STXBP5L: variants seen among roughly 807,000 people sequenced by gnomAD.
STXBP5L encodes syntaxin binding protein 5L.
A neutral mutation model predicts 144.5 loss-of-function variants in STXBP5L; 65 were observed. That is an observed-to-expected ratio of 0.45 (90% CI 0.37 to 0.55). The LOEUF (loss-of-function observed/expected upper bound fraction) is 0.55, where lower values mean the gene tolerates loss of function less well. Among genes scored for constraint, STXBP5L ranks in the 20% least tolerant of loss-of-function variants. The pLI is 0.00. For synonymous variants in STXBP5L, 505 were observed against 469.6 expected, an observed-to-expected ratio of 1.08 and a Z score of -0.97; for missense variants, 1,298 against 1,405.5, an observed-to-expected ratio of 0.92 and a Z score of 1.22.
chr3:121,063,255 ACAGT>A (rs1212743779), intron 5 of STXBP5L, among the ~76,000 whole-genome samples: 15 of 152,238 alleles, frequency 9.9e-5, no homozygotes, highest in African/African-American at 3.1e-4. Context: ...TTTCTTTCTA[ACAGT>A]CAGGCCATCT....
chr3:121,276,064 C>CA (rs2050872630), intron 18 of STXBP5L, among the ~76,000 whole-genome samples: 2 of 151,488 alleles, frequency 1.3e-5, no homozygotes, highest in Admixed American at 6.6e-5. Flanking sequence ...TTTGTCCCCC[C>CA]ACTCCCCCTT....
At chr3:121,096,291 G>T (rs755500689) in intron 5 of STXBP5L, among the ~76,000 whole-genome samples, 1 of 152,036 alleles carries the variant, frequency 6.6e-6, no homozygotes, top group Non-Finnish European at 1.5e-5. Context: ...GCTTGCATTG[G>T]GTTAGAATAT....
chr3:120,982,244 G>A (rs1412482742), intron 3 of STXBP5L, among the ~76,000 whole-genome samples: 1 of 152,074 alleles, frequency 6.6e-6, no homozygotes, highest in Non-Finnish European at 1.5e-5. Context: ...TCAGGTGATG[G>A]GCCGGTCTGT....
intron 6 of STXBP5L, among the ~76,000 whole-genome samples, chr3:121,117,276 T>C (rs2044273354): frequency 2.0e-5 from 3 of 151,888 alleles, no homozygotes; most frequent in Non-Finnish European, 4.4e-5. Flanking sequence ...TATATAAACC[T>C]GTGTTTTATC....
intron 3 of STXBP5L, among the ~76,000 whole-genome samples, chr3:121,023,335 A>T (rs1945697557): frequency 6.6e-6 from 1 of 152,164 alleles, no homozygotes; most frequent in African/African-American, 2.4e-5. Flanking sequence ...CAATCTACAA[A>T]TTCAATGCAA....
chr3:120,981,377 T>G (rs1415297800), intron 3 of STXBP5L, among the ~76,000 whole-genome samples: 1 of 152,134 alleles, frequency 6.6e-6, no homozygotes, highest in Non-Finnish European at 1.5e-5. Flanking sequence ...TCTCAAAGGC[T>G]CTGCTCATTT....
At chr3:121,383,832 GC>G (rs2046369650) in intron 22 of STXBP5L, among the ~76,000 whole-genome samples, 1 of 152,030 alleles carries the variant, frequency 6.6e-6, no homozygotes, top group Admixed American at 6.6e-5. Flanking sequence ...ATGAGTCTCT[GC>G]CCAAGCTTAT....
chr3:120,998,741 TAAATC>T (rs1559976212), intron 3 of STXBP5L, among the ~76,000 whole-genome samples: 1 of 152,164 alleles, frequency 6.6e-6, no homozygotes, highest in Non-Finnish European at 1.5e-5. Context: ...AGCTGAGAGT[TAAATC>T]AAGAATGCAT....
At chr3:120,989,309 T>G (rs1250159463) in intron 3 of STXBP5L, among the ~76,000 whole-genome samples, 1 of 152,196 alleles carries the variant, frequency 6.6e-6, no homozygotes, top group African/African-American at 2.4e-5. Context: ...GTTGATTGAC[T>G]TTTAAATAAT....
chr3:121,107,173 T>A (rs906432180), intron 5 of STXBP5L, among the ~76,000 whole-genome samples: 1 of 151,782 alleles, frequency 6.6e-6, no homozygotes, highest in East Asian at 1.9e-4. Context: ...ATTGCAAAAA[T>A]TTTCTCCCAT....
At chr3:121,371,589 A>T (rs1407444475) in intron 20 of STXBP5L, among the ~76,000 whole-genome samples, 6 of 152,234 alleles carry the variant, frequency 3.9e-5, no homozygotes, top group Non-Finnish European at 8.8e-5. Context: ...TTGAGCAGGC[A>T]TTCACAGCAG....
intron 20 of STXBP5L, among the ~76,000 whole-genome samples, chr3:121,344,509 G>A (rs1383412790): frequency 6.6e-6 from 1 of 152,034 alleles, no homozygotes. Flanking sequence ...TACATGGAGA[G>A]GCCATGGTTA....
At chr3:121,253,145 T>C (rs938456658) in intron 15 of STXBP5L, among the ~76,000 whole-genome samples, 1 of 152,064 alleles carries the variant, frequency 6.6e-6, no homozygotes, top group African/African-American at 2.4e-5. Flanking sequence ...ATAGGAATGA[T>C]ACCCTATCTG....
At chr3:120,974,054 C>A (rs1940625556) in intron 3 of STXBP5L, among the ~76,000 whole-genome samples, 1 of 152,094 alleles carries the variant, frequency 6.6e-6, no homozygotes, top group South Asian at 2.1e-4. Flanking sequence ...TGGGTATATA[C>A]CGAGTAATGG....
At position 121,156,808 on chromosome 3, in the gene STXBP5L, T is replaced by C. The variant is rs150645795; in HGVS notation, c.754-696T>C. Among the ~76,000 whole-genome samples the C allele has an allele frequency of 2.4e-3, 360 of 152,138 alleles. 2 individuals carry two copies. The highest frequency in any genetic ancestry group is 0.01 in the Middle Eastern group (3 of 294). On this transcript the variant is annotated intron_variant, in intron 8 of 26. Transcript: ENST00000471454. ...CTACTTACATATCATTTACATTCTATTAGTAATCTAGGGATGATTTTAAGT... is the reference window on the plus strand; with the variant it reads ...CTACTTACATATCATTTACATTCTACTAGTAATCTAGGGATGATTTTAAGT...
chr3:121,071,224 TG>T (rs1333640043), intron 5 of STXBP5L, among the ~76,000 whole-genome samples: 1 of 152,252 alleles, frequency 6.6e-6, no homozygotes, highest in African/African-American at 2.4e-5. Context: ...TGGCAGCATT[TG>T]CAAAGATAAC....
At chr3:121,374,595 A>G (rs77748079) in intron 20 of STXBP5L, among the ~76,000 whole-genome samples, 1 of 152,204 alleles carries the variant, frequency 6.6e-6, no homozygotes, top group African/African-American at 2.4e-5. Flanking sequence ...GAGAAATTCA[A>G]CAAAGAGATA....
chr3:121,078,023 G>T (rs1576874146), intron 5 of STXBP5L, among the ~76,000 whole-genome samples: 1 of 152,226 alleles, frequency 6.6e-6, no homozygotes, highest in East Asian at 1.9e-4. Context: ...TAGACACAGG[G>T]TGCTGATTGG....
chr3:121,337,826 A>T (rs2044561694), intron 20 of STXBP5L, among the ~76,000 whole-genome samples: 1 of 152,148 alleles, frequency 6.6e-6, no homozygotes, highest in Admixed American at 6.6e-5. Flanking sequence ...AAGTCTCAAT[A>T]AATTTTTAAA....
Sources: gnomAD v4.1 joint callset for allele counts (sites outside exome capture counted in the v4.1 genomes callset) on GRCh38, gnomAD v4.1.1 for gene constraint, MANE v1.5 for transcripts, NCBI Gene and HGNC (gene_info 2026-07-23, HGNC 2026-07-21) for gene names.